KCNIP1: variants seen among roughly 807,000 people sequenced by gnomAD.
The protein encoded by KCNIP1 is A-type potassium channel modulatory protein KCNIP1.
A neutral mutation model predicts 33.0 loss-of-function variants in KCNIP1; 18 were observed. The observed-to-expected ratio is 0.55, with a 90% CI of 0.38 to 0.81. The LOEUF (loss-of-function observed/expected upper bound fraction) is 0.81, where lower values mean the gene tolerates loss of function less well. KCNIP1 is among the 30% of genes least tolerant of loss of function. KCNIP1 has a pLI of 0.00. For missense variants in KCNIP1, 238 were observed against 271.6 expected (o/e 0.88, Z 0.87); for synonymous variants, 93 against 98.3 (o/e 0.95, Z 0.32).
rs146471760 is a variant in KCNIP1, at chr5:170,486,914, T to G, written c.88+132950T>G. Among the ~76,000 whole-genome samples, 118 of 152,334 alleles carry G rather than the reference T, an allele frequency of 7.7e-4. 3 individuals carry two copies. In the East Asian group the frequency reaches 0.018, roughly 23 times the overall value. On this transcript the variant is annotated intron_variant, in intron 1 of 7. Coordinates refer to the KCNIP1 transcript ENST00000377360. ...TATAATTTATTTAATCCCTCATTAA[T>G]GAACATTTCTAAGTTGAAGTATAAT...
intron 1 of KCNIP1, chr5:170,375,580 G>T (rs575982207): frequency 1.6e-4 from 16 of 97,362 alleles, no homozygotes; most frequent in African/African-American, 6.1e-4. Context: ...CTTCACAGCT[G>T]GCTCTGCCCC....
At chr5:170,607,580 C>T (rs1758976377) in intron 1 of KCNIP1, among the ~76,000 whole-genome samples, 1 of 152,186 alleles carries the variant, frequency 6.6e-6, no homozygotes, top group South Asian at 2.1e-4. Flanking sequence ...CCAAATCTGT[C>T]TGACTCTAAA....
intron 1 of KCNIP1, among the ~76,000 whole-genome samples, chr5:170,381,022 T>A (rs1368134366): frequency 6.6e-6 from 1 of 152,224 alleles, no homozygotes; most frequent in East Asian, 1.9e-4. Flanking sequence ...GACTTATCTA[T>A]GAAATTGCAA....
intron 1 of KCNIP1, among the ~76,000 whole-genome samples, chr5:170,655,366 G>C (rs1297700442): frequency 6.6e-6 from 1 of 152,172 alleles, no homozygotes; most frequent in African/African-American, 2.4e-5. Flanking sequence ...GCACGTGGAA[G>C]CCAAGGCCAA....
intron 1 of KCNIP1, among the ~76,000 whole-genome samples, chr5:170,682,762 C>G (rs1419392689): frequency 7.4e-6 from 1 of 134,888 alleles, no homozygotes; most frequent in Non-Finnish European, 1.6e-5. Context: ...ATTAATGCAA[C>G]AGCGTCCTAT....
chr5:170,367,349 A>AGG (rs372538602), intron 1 of KCNIP1, among the ~76,000 whole-genome samples: 2,311 of 76,382 alleles, frequency 0.03, 57 homozygotes, highest in East Asian at 0.052. Flanking sequence ...GAAGGAAAGA[A>AGG]AAAGAAAGAA....
chr5:170,706,352 G>A (rs970828609), intron 1 of KCNIP1, among the ~76,000 whole-genome samples: 7 of 152,080 alleles, frequency 4.6e-5, no homozygotes, highest in South Asian at 2.1e-4. Context: ...GGGTCATACC[G>A]TGCTTCCCAA....
intron 1 of KCNIP1, among the ~76,000 whole-genome samples, chr5:170,523,438 C>T (rs1016509604): frequency 6.6e-6 from 1 of 152,310 alleles, no homozygotes; most frequent in South Asian, 2.1e-4. Flanking sequence ...AGTAGAAAGG[C>T]AGGGTTCCGG....
At chr5:170,447,309 A>G (rs1756145287) in intron 1 of KCNIP1, among the ~76,000 whole-genome samples, 1 of 152,220 alleles carries the variant, frequency 6.6e-6, no homozygotes, top group Admixed American at 6.5e-5. Context: ...GGGCACTCAC[A>G]TGTTCAAGTT....
intron 1 of KCNIP1, among the ~76,000 whole-genome samples, chr5:170,694,570 T>G (rs1762829609): frequency 6.6e-6 from 1 of 152,224 alleles, no homozygotes; most frequent in Non-Finnish European, 1.5e-5. Flanking sequence ...ATATTTCAAC[T>G]CTGCCACTCA....
At chr5:170,437,625 TCA>T (rs1365583213) in intron 1 of KCNIP1, among the ~76,000 whole-genome samples, 1 of 152,086 alleles carries the variant, frequency 6.6e-6, no homozygotes, top group Non-Finnish European at 1.5e-5. Context: ...CTCAGCAGGC[TCA>T]GAGACAGGAG....
chr5:170,474,204 G>C (rs183796201), intron 1 of KCNIP1, among the ~76,000 whole-genome samples: 1 of 152,080 alleles, frequency 6.6e-6, no homozygotes, highest in South Asian at 2.1e-4. Flanking sequence ...TACCCGAGAG[G>C]CTTTTTATCT....
At chr5:170,556,534 G>T (rs943100249) in intron 1 of KCNIP1, among the ~76,000 whole-genome samples, 2 of 152,180 alleles carry the variant, frequency 1.3e-5, no homozygotes, top group Admixed American at 6.5e-5. Context: ...TCCAGGAGGT[G>T]GGGGGTGGGA....
At chr5:170,493,371 G>C (rs888102320) in intron 1 of KCNIP1, among the ~76,000 whole-genome samples, 2 of 152,172 alleles carry the variant, frequency 1.3e-5, no homozygotes, top group Non-Finnish European at 2.9e-5. Flanking sequence ...GCACTTCCTA[G>C]ATCTGCGTAG....
At chr5:170,480,831 A>G (rs932930727) in intron 1 of KCNIP1, among the ~76,000 whole-genome samples, 1 of 152,120 alleles carries the variant, frequency 6.6e-6, no homozygotes, top group Non-Finnish European at 1.5e-5. Flanking sequence ...CCCTCTTTAC[A>G]TGTTACCAAG....
At chr5:170,645,916 T>A (rs954690059) in intron 1 of KCNIP1, among the ~76,000 whole-genome samples, 1 of 152,142 alleles carries the variant, frequency 6.6e-6, no homozygotes, top group African/African-American at 2.4e-5. Flanking sequence ...ATACTCTGAA[T>A]CAACTACAGA....
At chr5:170,621,815 CCTT>C (rs1274441598) in intron 1 of KCNIP1, among the ~76,000 whole-genome samples, 22 of 152,174 alleles carry the variant, frequency 1.4e-4, no homozygotes, top group African/African-American at 5.3e-4. Context: ...GGCCTTATTC[CCTT>C]CTTTTTATCA....
In KCNIP1 at chr5:170,434,263, C is replaced by T. The variant is rs958583408; in HGVS notation, c.88+80299C>T. Among the ~76,000 whole-genome samples, 11 of 152,054 alleles carry T rather than the reference C, an allele frequency of 7.2e-5. No individual in the cohort carries two copies. The South Asian group carries it at 1.0e-3, about 14-fold the overall frequency. ...TAAGATTCATATTAAGTGAGAATTA[C>T]GCATGTACGCATATACATACAAGAT... is the stretch of plus-strand genomic sequence containing the variant. On this transcript the variant is annotated intron_variant, in intron 1 of 7. Coordinates refer to the KCNIP1 transcript ENST00000377360.
intron 1 of KCNIP1, among the ~76,000 whole-genome samples, chr5:170,675,095 G>A (rs10475949): frequency 0.19 from 29,071 of 151,802 alleles, 3,382 homozygotes; most frequent in African/African-American, 0.34. Flanking sequence ...GAGCCCAGGC[G>A]TTCTAGACCA....
Sources: gnomAD v4.1 joint callset for allele counts (sites outside exome capture counted in the v4.1 genomes callset) on GRCh38, gnomAD v4.1.1 for gene constraint, MANE v1.5 for transcripts, NCBI Gene and HGNC (gene_info 2026-07-23, HGNC 2026-07-21) for gene names.